MAP4K3: variants seen among roughly 807,000 people sequenced by gnomAD.
MAP4K3 encodes mitogen-activated protein kinase kinase kinase kinase 3.
MAP4K3 carries 94 observed loss-of-function variants against 143.5 expected under a neutral mutation model. That is an observed-to-expected ratio of 0.65 (90% CI 0.55 to 0.78). MAP4K3 has a LOEUF of 0.78. Ranked by LOEUF, MAP4K3 falls within the 30% of genes least tolerant of loss-of-function variation. The probability of loss-of-function intolerance (pLI) is 0.00; values close to 1 mark genes in which losing one functional copy is unlikely to be tolerated. For missense variants in MAP4K3, 1,077 were observed against 1,068.1 expected, an observed-to-expected ratio of 1.01 and a Z score of -0.12; for synonymous variants, 416 against 347.2, an observed-to-expected ratio of 1.20 and a Z score of -2.20.
intron 3 of MAP4K3, 42 bp downstream of exon 3, chr2:39,356,207 T>C: frequency 8.3e-7 from 1 of 1,206,914 alleles, no homozygotes; most frequent in Non-Finnish European, 1.2e-6. Flanking sequence ...CATTAGGTGA[T>C]GAAATCATTA....
chr2:39,418,143 G>T (rs946133262), intron 1 of MAP4K3, among the ~76,000 whole-genome samples: 2 of 150,892 alleles, frequency 1.3e-5, no homozygotes, highest in Non-Finnish European at 2.9e-5. Flanking sequence ...GCAGAAGGTT[G>T]CAGTGAGCAG....
chr2:39,292,481 C>T (rs534136370), intron 18 of MAP4K3, among the ~76,000 whole-genome samples: 42 of 152,276 alleles, frequency 2.8e-4, no homozygotes, highest in African/African-American at 1.0e-3. Flanking sequence ...GGCCAGAAGA[C>T]GGCTGTCTGC....
chr2:39,425,621 C>G (rs569411358), intron 1 of MAP4K3, among the ~76,000 whole-genome samples: 1 of 152,246 alleles, frequency 6.6e-6, no homozygotes, highest in East Asian at 1.9e-4. Context: ...CACTAGAAAC[C>G]TGGCATCTTG....
chr2:39,256,248 AATG>A (rs1352505115), intron 31 of MAP4K3, among the ~76,000 whole-genome samples: 8 of 152,206 alleles, frequency 5.3e-5, no homozygotes. Context: ...ATCAGCAAAA[AATG>A]ATCTTTTTAT....
At chr2:39,309,239 G>T (rs1212750194) in intron 14 of MAP4K3, among the ~76,000 whole-genome samples, 2 of 152,026 alleles carry the variant, frequency 1.3e-5, no homozygotes, top group African/African-American at 4.8e-5. Context: ...TCCTCCTGCC[G>T]TAGCCACCCC....
chr2:39,271,668 T>G (rs1191406056), intron 26 of MAP4K3, among the ~76,000 whole-genome samples: 1 of 152,226 alleles, frequency 6.6e-6, no homozygotes, highest in African/African-American at 2.4e-5. Flanking sequence ...CATAGCTCAC[T>G]GCAGTCTCAA....
At chr2:39,398,287 A>G (rs2148604206) in intron 1 of MAP4K3, among the ~76,000 whole-genome samples, 1 of 152,248 alleles carries the variant, frequency 6.6e-6, no homozygotes, top group East Asian at 1.9e-4. Context: ...AACGAATACT[A>G]TATAGTAAAA....
chr2:39,265,641 G>T (rs1346644767), intron 27 of MAP4K3, among the ~76,000 whole-genome samples: 1 of 152,174 alleles, frequency 6.6e-6, no homozygotes, highest in Non-Finnish European at 1.5e-5. Context: ...AAGGGTCAAA[G>T]TAAATTTGGG....
At chr2:39,278,186 G>C (rs1208059409) in intron 24 of MAP4K3, among the ~76,000 whole-genome samples, 1 of 151,876 alleles carries the variant, frequency 6.6e-6, no homozygotes, top group Admixed American at 6.6e-5. Flanking sequence ...GGAGGCTGAG[G>C]CATGAGAATT....
intron 13 of MAP4K3, among the ~76,000 whole-genome samples, chr2:39,310,123 C>G (rs1454729574): frequency 1.3e-5 from 2 of 152,182 alleles, no homozygotes; most frequent in Non-Finnish European, 2.9e-5. Flanking sequence ...TGGGAACATT[C>G]CAAATCTTCT....
intron 1 of MAP4K3, among the ~76,000 whole-genome samples, chr2:39,393,261 G>A (rs1307349178): frequency 6.6e-6 from 1 of 152,180 alleles, no homozygotes; most frequent in Non-Finnish European, 1.5e-5. Flanking sequence ...TGGCAAATGT[G>A]TAAAATAAAC....
intron 3 of MAP4K3, among the ~76,000 whole-genome samples, chr2:39,355,732 G>C (rs1665593831): frequency 6.6e-6 from 1 of 152,012 alleles, no homozygotes; most frequent in Non-Finnish European, 1.5e-5. Flanking sequence ...CCAAAACAAA[G>C]TAAGAGAAAG....
intron 31 of MAP4K3, among the ~76,000 whole-genome samples, chr2:39,255,197 T>C (rs1680296696): frequency 2.0e-5 from 3 of 152,178 alleles, no homozygotes; most frequent in South Asian, 4.1e-4. Flanking sequence ...AAGATGAACA[T>C]TGAGGTTATT....
At chr2:39,364,008 AAAG>A (rs1386343148) in intron 2 of MAP4K3, among the ~76,000 whole-genome samples, 6 of 151,604 alleles carry the variant, frequency 4.0e-5, no homozygotes, top group African/African-American at 1.5e-4. Flanking sequence ...AAAAAAAAAA[AAAG>A]AAGACAATAG....
At chr2:39,426,432 G>C (rs1665085387) in intron 1 of MAP4K3, among the ~76,000 whole-genome samples, 1 of 152,004 alleles carries the variant, frequency 6.6e-6, no homozygotes, top group Non-Finnish European at 1.5e-5. Context: ...TCAAATAATA[G>C]TATTGTCTTA....
rs1438526897 is a variant in MAP4K3, at chr2:39,288,920, C to T, written c.1315-640G>A. Among the ~76,000 whole-genome samples, 6 of 152,080 alleles carry T rather than the reference C, an allele frequency of 3.9e-5. No individual in the cohort carries two copies. The South Asian group carries it at 8.3e-4, about 21-fold the overall frequency. Reference sequence around the variant, plus strand: ...ACAAAAAATTAGCTGGGCGTGGTGGCGGGTGCCTGTAGTCCCAGCTACTCA... The same window carrying T: ...ACAAAAAATTAGCTGGGCGTGGTGGTGGGTGCCTGTAGTCCCAGCTACTCA... On this transcript the variant is annotated intron_variant, in intron 19 of 33. Transcript: ENST00000263881.
chr2:39,349,738 G>T (rs945009503), intron 3 of MAP4K3, among the ~76,000 whole-genome samples: 1 of 149,386 alleles, frequency 6.7e-6, no homozygotes, highest in Admixed American at 6.7e-5. Flanking sequence ...GGAGAAGGGG[G>T]ATGGGAAAAG....
chr2:39,341,333 C>G (rs944780805), intron 4 of MAP4K3, among the ~76,000 whole-genome samples: 1 of 152,078 alleles, frequency 6.6e-6, no homozygotes, highest in Non-Finnish European at 1.5e-5. Flanking sequence ...GGGTCAAACA[C>G]TGAGGAAGTT....
At chr2:39,398,270 A>C (rs936922463) in intron 1 of MAP4K3, among the ~76,000 whole-genome samples, 1 of 152,182 alleles carries the variant, frequency 6.6e-6, no homozygotes, top group African/African-American at 2.4e-5. Context: ...TACAGCATAT[A>C]CCAACAAACG....
Sources: allele counts gnomAD v4.1 joint callset (sites outside exome capture counted in the v4.1 genomes callset), GRCh38; gene constraint gnomAD v4.1.1; transcripts MANE v1.5; gene names NCBI Gene and HGNC (gene_info 2026-07-23, HGNC 2026-07-21).